The following ASPH variants were observed in gnomAD, a reference collection of about 807,000 sequenced individuals.
The protein encoded by ASPH is aspartate beta-hydroxylase, also known as aspartyl/asparaginyl beta-hydroxylase.
A neutral mutation model predicts 118.4 loss-of-function variants in ASPH; 100 were observed. The observed-to-expected ratio is 0.84, with a 90% confidence interval of 0.72 to 1.00. The LOEUF is 1.00. Among genes scored for constraint, ASPH ranks in the 50% least tolerant of loss-of-function variants. ASPH has a pLI of 0.00. For missense variants in ASPH, 920 were observed against 919.5 expected (o/e 1.00, Z -0.01); for synonymous variants, 315 against 325.6 (o/e 0.97, Z 0.35).
rs370360525 is a variant in ASPH at position 61,714,303 on chromosome 8, C to A, written c.69G>T (p.Thr23=). 1,655 of 1,522,444 alleles carry A rather than the reference C, an allele frequency of 1.1e-3. 7 individuals are homozygous for A. Among genetic ancestry groups the A allele is most frequent in the South Asian group, 2.8e-3 (227 of 81,690 alleles). The allele number at this position is 1,522,444 out of a possible 1,614,324, so 94.3% of individuals were successfully genotyped here. The change falls in exon 1 of 25, where the codon ACG becomes ACT. Residue 23 remains threonine, a synonymous_variant. Coordinates refer to ENST00000379454, the MANE Select transcript of ASPH (RefSeq NM_004318.4). ...CCCCGGGGCTGCTGCTGCCCGCACTCGTGCTACCGCTGCCGGAGCCGCTGC... is the reference window on the plus strand; with the variant it reads ...CCCCGGGGCTGCTGCTGCCCGCACTAGTGCTACCGCTGCCGGAGCCGCTGC... ...SSSSGSGSGS[T]SAGSSSPGAR...
intron 15 of ASPH, among the ~76,000 whole-genome samples, chr8:61,580,998 G>A (rs1383027660): frequency 6.6e-6 from 1 of 152,192 alleles, no homozygotes; most frequent in African/African-American, 2.4e-5. Flanking sequence ...TGATAATTGT[G>A]CTAAATGTAC....
In ASPH at chr8:61,501,353, T is replaced by C. The variant is rs1275755166; in HGVS notation, c.*2006A>G. On this transcript the variant is annotated 3_prime_UTR_variant, in exon 25 of 25. Transcript: ENST00000379454. Reference sequence around the variant, plus strand: ...AGTAATACCATTTCTAGCTTTTCAATTGGCAATACTTAGAACCTTACTGTA... The same window carrying C: ...AGTAATACCATTTCTAGCTTTTCAACTGGCAATACTTAGAACCTTACTGTA... 1 of 152,218 alleles carries C rather than the reference T, an allele frequency of 6.6e-6. No homozygotes were observed. The highest frequency in any genetic ancestry group is 1.5e-5 in the Non-Finnish European group (1 of 68,014). The allele number at this position is 152,218 out of a possible 1,614,324, so 9.4% of individuals were successfully genotyped here. A position where few individuals can be genotyped will look rare whatever the true frequency, so the allele number is the denominator to read the frequency against.
intron 14 of ASPH, among the ~76,000 whole-genome samples, chr8:61,587,923 C>G (rs775182482): frequency 6.6e-6 from 1 of 152,030 alleles, no homozygotes; most frequent in African/African-American, 2.4e-5. Flanking sequence ...GGGACCCTGG[C>G]GAACTCTCTC....
chr8:61,650,339 G>A (rs563180835), intron 5 of ASPH, among the ~76,000 whole-genome samples: 23 of 152,230 alleles, frequency 1.5e-4, no homozygotes, highest in Non-Finnish European at 2.6e-4. Context: ...TTTAAGAAAC[G>A]TAATTTTATT....
At chr8:61,593,297 C>A (rs1390278122) in intron 14 of ASPH, among the ~76,000 whole-genome samples, 1 of 152,120 alleles carries the variant, frequency 6.6e-6, no homozygotes, top group Non-Finnish European at 1.5e-5. Context: ...CTAACACGAT[C>A]TACTCTATAG....
intron 15 of ASPH, among the ~76,000 whole-genome samples, chr8:61,577,876 C>A (rs1835892311): frequency 6.6e-6 from 1 of 152,118 alleles, no homozygotes; most frequent in South Asian, 2.1e-4. Context: ...TGGGTGGGGA[C>A]ACAGTGAAAC....
In ASPH at chr8:61,651,134, T is replaced by C; in HGVS notation, c.416-10A>G. The stretch of plus-strand genomic sequence containing the variant: ...TCGATATTCTGGGGTTCTAAAATAA[T>C]TGCAAAACATAGCTAAGTAGAAAAG... On this transcript the variant is annotated splice_polypyrimidine_tract_variant and intron_variant, in intron 4 of 24. Transcript: ENST00000379454. 2 of 1,611,154 alleles carry C rather than the reference T, an allele frequency of 1.2e-6. No homozygotes were observed. The highest frequency in any genetic ancestry group is 1.1e-5 in the South Asian group (1 of 90,874).
At chr8:61,679,597 A>G (rs1279839339) in intron 3 of ASPH, among the ~76,000 whole-genome samples, 1 of 152,012 alleles carries the variant, frequency 6.6e-6, no homozygotes, top group African/African-American at 2.4e-5. Flanking sequence ...AATGCAGTAG[A>G]TGAGAGTAAT....
chr8:61,565,013 G>A (rs1291481282), intron 17 of ASPH, among the ~76,000 whole-genome samples: 1 of 152,186 alleles, frequency 6.6e-6, no homozygotes, highest in Non-Finnish European at 1.5e-5. Flanking sequence ...TGTAAGCCTG[G>A]TTATCGTGAA....
At chr8:61,517,499 G>A (rs1031451075) in intron 24 of ASPH, 29 bp downstream of exon 24, 10 of 1,609,176 alleles carry the variant, frequency 6.2e-6, no homozygotes, top group East Asian at 4.5e-5. Flanking sequence ...CTGAGGTGAC[G>A]GATATGACGG....
chr8:61,550,497 G>C (rs1387097010), intron 20 of ASPH, among the ~76,000 whole-genome samples: 1 of 150,904 alleles, frequency 6.6e-6, no homozygotes, highest in Non-Finnish European at 1.5e-5. Flanking sequence ...GAGAGAGAGA[G>C]AGACAGAGAC....
chr8:61,501,378 A>G lies in ASPH; in HGVS notation c.*1981T>C, dbSNP rs1354990015. 2.6e-5 allele frequency: 4 copies of G among 152,192 alleles called. No individual in the cohort carries two copies. Among genetic ancestry groups the G allele is most frequent in the Admixed American group, 2.6e-4 (4 of 15,274 alleles). 9.4% of individuals were successfully genotyped at this position (152,192 alleles called of 1,614,324 possible). ...TTGGCAATACTTAGAACCTTACTGT[A>G]GTGACCTGATTTTAAATACCATATT... On this transcript the variant is annotated 3_prime_UTR_variant, in exon 25 of 25. Coordinates refer to ENST00000379454, the MANE Select transcript of ASPH (RefSeq NM_004318.4).
intron 14 of ASPH, among the ~76,000 whole-genome samples, chr8:61,616,610 T>G (rs1311453149): frequency 6.6e-6 from 1 of 152,226 alleles, no homozygotes; most frequent in Non-Finnish European, 1.5e-5. Context: ...GTCTAGTCTT[T>G]GACTTTCTCT....
chr8:61,561,022 GGGAATGAGGAGTAAGGGAAGGAAGGGAA>G (rs2131437944), intron 18 of ASPH, among the ~76,000 whole-genome samples: 1 of 146,508 alleles, frequency 6.8e-6, no homozygotes, highest in African/African-American at 2.5e-5. Flanking sequence ...AAGGAAGGAA[GGGAATGAGGAGTAAGGGAAGGAAGGGAA>G]GAAGGAAGGA....
At position 61,697,961 on chromosome 8, in the gene ASPH, G is replaced by GA. The variant is rs112910762; in HGVS notation, c.104-13774dup. Among the ~76,000 whole-genome samples the GA allele has an allele frequency of 2.3e-3, 341 of 145,978 alleles. 1 individual carries two copies. The highest frequency in any genetic ancestry group is 0.011 in the Middle Eastern group (3 of 276). ...ATGCACCGCCATATGCAGCTAATTA[G>GA]AAAAAAAAAAAATGTCTTGTAAAGA... On this transcript the variant is annotated intron_variant, in intron 1 of 24. Transcript: ENST00000379454.
rs116940339 is a variant in ASPH, at chr8:61,580,645, T to C, written c.1062+3299A>G. 5.9e-3 allele frequency among the ~76,000 whole-genome samples: 903 copies of C among 152,366 alleles called. 7 individuals carry two copies. The highest frequency in any genetic ancestry group is 0.01 in the Non-Finnish European group (697 of 68,034). Reference sequence around the variant, plus strand: ...TCCAGAGGTTTTACGGGAATATTTGTCCTTGTCTATTCCCAGTATTTCTTG... The same window carrying C: ...TCCAGAGGTTTTACGGGAATATTTGCCCTTGTCTATTCCCAGTATTTCTTG... On this transcript the variant is annotated intron_variant, in intron 15 of 24. Transcript: ENST00000379454.
intron 16 of ASPH, among the ~76,000 whole-genome samples, chr8:61,570,398 G>T (rs559186475): frequency 2.0e-5 from 3 of 152,260 alleles, no homozygotes; most frequent in East Asian, 3.9e-4. Flanking sequence ...TGCCCAAAAA[G>T]ATCCTGGAAC....
chr8:61,613,177 T>C (rs1354854899), intron 14 of ASPH, among the ~76,000 whole-genome samples: 1 of 152,194 alleles, frequency 6.6e-6, no homozygotes, highest in East Asian at 1.9e-4. Context: ...TTTGGTGAGA[T>C]TAACATTTAA....
intron 5 of ASPH, among the ~76,000 whole-genome samples, chr8:61,648,450 T>C (rs1809176908): frequency 6.6e-6 from 1 of 152,222 alleles, no homozygotes; most frequent in South Asian, 2.1e-4. Flanking sequence ...CATTTTAGAT[T>C]TTCTGCTATT....
Sources: gnomAD v4.1 joint callset for allele counts (sites outside exome capture counted in the v4.1 genomes callset) on GRCh38, gnomAD v4.1.1 for gene constraint, MANE v1.5 for transcripts, NCBI Gene and HGNC (gene_info 2026-07-23, HGNC 2026-07-21) for gene names.